The following PLD1 variants were observed in gnomAD, a reference collection of about 807,000 sequenced individuals.
PLD1 encodes the protein phospholipase D1.
PLD1 carries 112 observed loss-of-function variants against 137.1 expected under a neutral mutation model. That is an observed-to-expected ratio of 0.82 (90% CI 0.70 to 0.96). The LOEUF (loss-of-function observed/expected upper bound fraction) is 0.96, where lower values mean the gene tolerates loss of function less well. Ranked by LOEUF, PLD1 falls within the 40% of genes least tolerant of loss-of-function variation. The pLI is 0.00. For missense variants in PLD1, 1,321 were observed against 1,342.0 expected (o/e 0.98, Z 0.24); for synonymous variants, 431 against 454.7 (o/e 0.95, Z 0.66).
At chr3:171,663,334 G>A (rs1182232414) in intron 19 of PLD1, among the ~76,000 whole-genome samples, 1 of 152,176 alleles carries the variant, frequency 6.6e-6, no homozygotes, top group East Asian at 1.9e-4. Context: ...TGCAGAGCAG[G>A]ACTGTCTAGG....
At chr3:171,800,916 C>G (rs113047658) in intron 1 of PLD1, among the ~76,000 whole-genome samples, 4,241 of 152,302 alleles carry the variant, frequency 0.028, 120 homozygotes, top group African/African-American at 0.072. Flanking sequence ...GCCTAATCAT[C>G]TCCTAAAGGC....
chr3:171,668,767 C>A (rs1395141424), intron 19 of PLD1, among the ~76,000 whole-genome samples: 3 of 152,162 alleles, frequency 2.0e-5, no homozygotes, highest in Admixed American at 6.6e-5. Flanking sequence ...CATGTGTTGA[C>A]CCCATGTTGA....
chr3:171,637,952 G>C (rs1235827147), intron 23 of PLD1, among the ~76,000 whole-genome samples: 1 of 151,972 alleles, frequency 6.6e-6, no homozygotes, highest in Non-Finnish European at 1.5e-5. Flanking sequence ...AGGCCGAGGT[G>C]GGTGGATCAC....
intron 1 of PLD1, among the ~76,000 whole-genome samples, chr3:171,753,116 G>A (rs1720777079): frequency 6.6e-6 from 1 of 152,222 alleles, no homozygotes; most frequent in South Asian, 2.1e-4. Context: ...AAGACAACCA[G>A]ATGGGCTGGA....
intron 23 of PLD1, among the ~76,000 whole-genome samples, chr3:171,620,738 CTCTCTA>C (rs1185914716): frequency 1.8e-3 from 142 of 77,064 alleles, no homozygotes; most frequent in African/African-American, 5.4e-3. Context: ...CTCTCTCTCT[CTCTCTA>C]TATATATATA....
At chr3:171,651,032 T>C (rs1196646705) in intron 21 of PLD1, among the ~76,000 whole-genome samples, 1 of 152,200 alleles carries the variant, frequency 6.6e-6, no homozygotes, top group East Asian at 1.9e-4. Context: ...TTTTCTTGTT[T>C]TTCTCTGCTG....
chr3:171,644,862 A>G (rs781421974), intron 22 of PLD1, 48 bp downstream of exon 22: 1 of 1,071,768 alleles, frequency 9.3e-7, no homozygotes, highest in Non-Finnish European at 1.5e-6. Flanking sequence ...ATCAGCTTAC[A>G]TGATGCATGA....
At chr3:171,792,375 A>C (rs1005822349) in intron 1 of PLD1, 1 of 354,820 alleles carries the variant, frequency 2.8e-6, no homozygotes, top group African/African-American at 2.1e-5. Context: ...TATTTCATAT[A>C]CTAAGAGTAG....
intron 8 of PLD1, among the ~76,000 whole-genome samples, chr3:171,722,311 A>G (rs943695010): frequency 1.3e-5 from 2 of 152,216 alleles, no homozygotes; most frequent in Admixed American, 6.5e-5. Flanking sequence ...GTGTAAAATT[A>G]TCATCCCTGA....
intron 21 of PLD1, among the ~76,000 whole-genome samples, chr3:171,649,890 C>T (rs574926295): frequency 6.6e-6 from 1 of 152,274 alleles, no homozygotes; most frequent in East Asian, 1.9e-4. Flanking sequence ...CACCTTGTAG[C>T]CACTAAAAAT....
At chr3:171,723,300 G>A (rs1036155456) in intron 8 of PLD1, among the ~76,000 whole-genome samples, 3 of 152,166 alleles carry the variant, frequency 2.0e-5, no homozygotes, top group African/African-American at 7.2e-5. Context: ...TTGCAATGAC[G>A]GGATCTCATT....
intron 1 of PLD1, among the ~76,000 whole-genome samples, chr3:171,756,834 C>CA (rs1560281391): frequency 2.6e-5 from 4 of 152,092 alleles, no homozygotes. Context: ...AACGTGCTAG[C>CA]AAAAATCTGC....
chr3:171,637,382 C>T (rs974658439), intron 23 of PLD1, among the ~76,000 whole-genome samples: 2 of 150,430 alleles, frequency 1.3e-5, no homozygotes, highest in African/African-American at 4.9e-5. Context: ...ACTACAGGTG[C>T]ATGCCACCAC....
At chr3:171,636,627 A>T (rs1578156060) in intron 23 of PLD1, among the ~76,000 whole-genome samples, 1 of 152,134 alleles carries the variant, frequency 6.6e-6, no homozygotes, top group East Asian at 1.9e-4. Context: ...GTATCTTGAA[A>T]CACTGCTAGA....
At chr3:171,689,057 A>G (rs1414058042) in intron 13 of PLD1, among the ~76,000 whole-genome samples, 181 bp from the exon 14 acceptor site, 1 of 152,146 alleles carries the variant, frequency 6.6e-6, no homozygotes, top group Non-Finnish European at 1.5e-5. Context: ...AAGAAAAAAA[A>G]AAGACTCCTA....
At position 171,602,870 on chromosome 3, in the gene PLD1, C is replaced by T. The variant is rs1731924251; in HGVS notation, c.*208G>A. ...CAACAAGAATGCAGCCCCCTTTTTA[C>T]AAGTTAGGCAGAAGGAATTATAAAG... On this transcript the variant is annotated 3_prime_UTR_variant, in exon 27 of 27. Transcript: ENST00000351298. 2 of 570,132 alleles carry T rather than the reference C, an allele frequency of 3.5e-6. No individual in the cohort carries two copies. Among genetic ancestry groups the T allele is most frequent in the Non-Finnish European group, 6.2e-6 (2 of 320,302 alleles). 35.3% of individuals were successfully genotyped at this position (570,132 alleles called of 1,614,324 possible). A position where few individuals can be genotyped will look rare whatever the true frequency, so the allele number is the denominator to read the frequency against.
At chr3:171,683,934 T>C (rs1714271012) in intron 16 of PLD1, among the ~76,000 whole-genome samples, 1 of 152,200 alleles carries the variant, frequency 6.6e-6, no homozygotes, top group Non-Finnish European at 1.5e-5. Context: ...GATGAACCAT[T>C]TGTTACCATT....
At chr3:171,723,215 C>T (rs1560251745) in intron 8 of PLD1, among the ~76,000 whole-genome samples, 1 of 152,096 alleles carries the variant, frequency 6.6e-6, no homozygotes, top group Admixed American at 6.5e-5. Flanking sequence ...CTACTAGTAA[C>T]TGAGAACATG....
chr3:171,668,030 G>A (rs924427860), intron 19 of PLD1, among the ~76,000 whole-genome samples: 1 of 152,170 alleles, frequency 6.6e-6, no homozygotes, highest in Non-Finnish European at 1.5e-5. Context: ...AGGATTACAG[G>A]CATGAGCCAC....
Sources: gnomAD v4.1 joint callset for allele counts (sites outside exome capture counted in the v4.1 genomes callset) on GRCh38, gnomAD v4.1.1 for gene constraint, MANE v1.5 for transcripts, NCBI Gene and HGNC (gene_info 2026-07-23, HGNC 2026-07-21) for gene names.